Variants in GPC5 observed in about 807,000 individuals in gnomAD.
The protein encoded by GPC5 is glypican 5.
GPC5 carries 47 observed loss-of-function variants against 53.9 expected under a neutral mutation model. The observed-to-expected ratio is 0.87, with a 90% CI of 0.69 to 1.11. The LOEUF (loss-of-function observed/expected upper bound fraction) is 1.11. GPC5 is among the 50% of genes most tolerant of loss of function. The pLI, the probability that GPC5 is intolerant of heterozygous loss-of-function variation, is 0.00. For missense variants in GPC5, 748 were observed against 713.1 expected, an observed-to-expected ratio of 1.05 and a Z score of -0.56; for synonymous variants, 286 against 263.3, an observed-to-expected ratio of 1.09 and a Z score of -0.84.
At position 92,347,879 on chromosome 13, in the gene GPC5, A is replaced by G. The variant is rs1274363920; in HGVS notation, c.1561+202890A>G. On this transcript the variant is annotated intron_variant, in intron 7 of 7. Coordinates refer to ENST00000377067, the MANE Select transcript of GPC5 (RefSeq NM_004466.6). Reference sequence around the variant, plus strand: ...CATATATATATTATATATATAATATATATTATATATATTATATATATAATA... The same window carrying G: ...CATATATATATTATATATATAATATGTATTATATATATTATATATATAATA... Among the ~76,000 whole-genome samples, 2 of 2,306 alleles carry G rather than the reference A, an allele frequency of 8.7e-4. 1 individual carries two copies. The highest frequency in any genetic ancestry group is 0.017 in the Admixed American group (2 of 120). The allele number at this position is 2,306 out of a possible 152,430, so 1.5% of individuals were successfully genotyped here. A position where few individuals can be genotyped will look rare whatever the true frequency, so the allele number is the denominator to read the frequency against.
chr13:92,098,126 T>C (rs548119625), intron 6 of GPC5, among the ~76,000 whole-genome samples: 1 of 152,120 alleles, frequency 6.6e-6, no homozygotes, highest in Admixed American at 6.6e-5. Flanking sequence ...AAGCCTAGTA[T>C]GCAATAGTTA....
chr13:92,417,141 A>G (rs189478844), intron 7 of GPC5, among the ~76,000 whole-genome samples: 1 of 152,212 alleles, frequency 6.6e-6, no homozygotes, highest in African/African-American at 2.4e-5. Flanking sequence ...AAAAAATCAT[A>G]AGTCAAACTG....
chr13:92,425,197 A>T (rs945727606), intron 7 of GPC5, among the ~76,000 whole-genome samples: 2 of 152,048 alleles, frequency 1.3e-5, no homozygotes, highest in East Asian at 3.9e-4. Context: ...TCTGTAAAAG[A>T]CCTTTATTTA....
chr13:92,426,394 G>A (rs945343092), intron 7 of GPC5, among the ~76,000 whole-genome samples: 1 of 151,980 alleles, frequency 6.6e-6, no homozygotes, highest in South Asian at 2.1e-4. Context: ...GACCTCCTCT[G>A]CTGTACTGCT....
At chr13:92,835,306 T>C (rs2138826150) in intron 7 of GPC5, among the ~76,000 whole-genome samples, 1 of 152,158 alleles carries the variant, frequency 6.6e-6, no homozygotes, top group East Asian at 1.9e-4. Context: ...CTGACTTCGA[T>C]ACCGCATCTT....
rs541601414 is a variant in GPC5, at chr13:91,981,975, C to T, written c.1401+73918C>T. ...GCAATAAAGGAAGCAAGTTGGAAAG[C>T]GATGAGACTGGAAAGGGAGGCAGGA... On this transcript the variant is annotated intron_variant, in intron 6 of 7. Transcript: ENST00000377067. 1.8e-3 allele frequency among the ~76,000 whole-genome samples: 273 copies of T among 152,200 alleles called. 1 individual carries two copies. Among genetic ancestry groups the T allele is most frequent in the South Asian group, 3.3e-3 (16 of 4,822 alleles).
intron 7 of GPC5, among the ~76,000 whole-genome samples, chr13:92,705,722 A>G (rs568978621): frequency 2.0e-5 from 3 of 152,222 alleles, no homozygotes; most frequent in Middle Eastern, 3.4e-3. Flanking sequence ...AGCAATGTAT[A>G]AAGTTATTTT....
At position 92,527,178 on chromosome 13, in the gene GPC5, GAAAGA is replaced by G. The variant is rs1160279582; in HGVS notation, c.1562-339102_1562-339098del. Among the ~76,000 whole-genome samples, 46 of 62,968 alleles carry G rather than the reference GAAAGA, an allele frequency of 7.3e-4. 1 individual carries two copies. The highest frequency in any genetic ancestry group is 1.5e-3 in the African/African-American group (28 of 18,436). 41.3% of individuals were successfully genotyped at this position (62,968 alleles called of 152,430 possible). On this transcript the variant is annotated intron_variant, in intron 7 of 7. Coordinates refer to ENST00000377067, the MANE Select transcript of GPC5 (RefSeq NM_004466.6). ...AAAGAAAGAAAGAAAGAAAGAGAAA[GAAAGA>G]AGAAAGAAAGAAAGAAAGAAAGAAA... is the stretch of plus-strand genomic sequence containing the variant.
At chr13:91,403,866 C>T (rs941994279) in intron 1 of GPC5, among the ~76,000 whole-genome samples, 2 of 151,974 alleles carry the variant, frequency 1.3e-5, no homozygotes, top group African/African-American at 4.8e-5. Flanking sequence ...CACATATTCC[C>T]TCATGGGGTT....
At chr13:92,104,719 G>A (rs2041494380) in intron 6 of GPC5, among the ~76,000 whole-genome samples, 1 of 152,112 alleles carries the variant, frequency 6.6e-6, no homozygotes, top group South Asian at 2.1e-4. Flanking sequence ...GGGTTAATGA[G>A]TTACTTATAG....
At chr13:91,555,230 C>T (rs1337966605) in intron 2 of GPC5, among the ~76,000 whole-genome samples, 1 of 151,942 alleles carries the variant, frequency 6.6e-6, no homozygotes, top group Non-Finnish European at 1.5e-5. Context: ...AACGGCCTGG[C>T]CCGTGGAAAG....
At chr13:92,555,770 AAT>A (rs1364140657) in intron 7 of GPC5, among the ~76,000 whole-genome samples, 2 of 149,884 alleles carry the variant, frequency 1.3e-5, no homozygotes, top group East Asian at 1.9e-4. Context: ...ATATTTAATA[AAT>A]ATGTTTAAAA....
At chr13:92,612,814 T>C (rs1396113967) in intron 7 of GPC5, among the ~76,000 whole-genome samples, 1 of 152,150 alleles carries the variant, frequency 6.6e-6, no homozygotes, top group Non-Finnish European at 1.5e-5. Context: ...AATAAGATAT[T>C]TGTAAAGTTC....
rs576377360 is a variant in GPC5 at position 92,404,198 on chromosome 13, T to C, written c.1561+259209T>C. Among the ~76,000 whole-genome samples, 7 of 152,312 alleles carry C rather than the reference T, an allele frequency of 4.6e-5. No homozygotes were observed. In the South Asian group the frequency reaches 1.4e-3, roughly 32 times the overall value. On this transcript the variant is annotated intron_variant, in intron 7 of 7. Transcript: ENST00000377067. ...CTAATCTTTCCCCCTTTATCCTCCT[T>C]TTTTAGTTACCTTATTTTTTGCCTT...
intron 7 of GPC5, among the ~76,000 whole-genome samples, chr13:92,319,113 C>T (rs2043198878): frequency 6.6e-6 from 1 of 152,000 alleles, no homozygotes; most frequent in Admixed American, 6.6e-5. Context: ...AAGAGTGTCT[C>T]AGCCAGGGCA....
chr13:92,682,069 A>T (rs1178856942), intron 7 of GPC5, among the ~76,000 whole-genome samples: 4 of 152,118 alleles, frequency 2.6e-5, no homozygotes, highest in African/African-American at 9.7e-5. Context: ...GCATGCATCT[A>T]TTTGTGTTTT....
At chr13:92,482,025 G>A (rs1462584142) in intron 7 of GPC5, among the ~76,000 whole-genome samples, 1 of 152,022 alleles carries the variant, frequency 6.6e-6, no homozygotes, top group East Asian at 1.9e-4. Context: ...CAGGTACTTG[G>A]GAGGCTTAGG....
At chr13:91,405,326 C>T (rs1877240783) in intron 1 of GPC5, among the ~76,000 whole-genome samples, 1 of 152,092 alleles carries the variant, frequency 6.6e-6, no homozygotes. Context: ...ATAGCATTAC[C>T]ACTCTCCACC....
At chr13:91,876,600 A>C (rs1378248212) in intron 5 of GPC5, among the ~76,000 whole-genome samples, 1 of 152,218 alleles carries the variant, frequency 6.6e-6, no homozygotes, top group Non-Finnish European at 1.5e-5. Context: ...TCTAAGCAGC[A>C]AAGCATTCAA....
Sources: allele counts gnomAD v4.1 joint callset (sites outside exome capture counted in the v4.1 genomes callset), GRCh38; gene constraint gnomAD v4.1.1; transcripts MANE v1.5; gene names NCBI Gene and HGNC (gene_info 2026-07-23, HGNC 2026-07-21).